The following MRPL21 variants were observed in gnomAD, a reference collection of about 807,000 sequenced individuals.
The protein encoded by MRPL21 is large ribosomal subunit protein bL21m.
Under a neutral mutation model 27.3 loss-of-function variants are expected in MRPL21, and 20 were observed. The observed-to-expected ratio is 0.73, with a 90% CI of 0.52 to 1.06. The LOEUF is 1.06. MRPL21 is among the 50% of genes least tolerant of loss of function. The pLI is 0.00. For synonymous variants in MRPL21, 98 were observed against 101.5 expected, an observed-to-expected ratio of 0.97 and a Z score of 0.21; for missense variants, 249 against 251.4, an observed-to-expected ratio of 0.99 and a Z score of 0.06.
chr11:68,903,770 G>C lies in MRPL21; in HGVS notation c.41C>G (p.Ala14Gly). 1 of 1,613,108 alleles carries C rather than the reference G, an allele frequency of 6.2e-7. No homozygotes were observed. Among genetic ancestry groups the C allele is most frequent in the Non-Finnish European group, 8.5e-7 (1 of 1,180,030 alleles). The stretch of plus-strand genomic sequence containing the variant: ...CAGGATGCTGTGGCTGCACGCGGAC[G>C]CCAGCCGCCCTAAGGTGACCGTCAG... ...SSLTVTLGRL[A>G]SACSHSILRP... The change falls in exon 1 of 7, where the codon GCG becomes GGG. Residue 14 changes from alanine to glycine, a missense_variant. Physicochemically the swap from Ala to Gly is moderately conservative, Grantham distance 60. Coordinates refer to ENST00000362034, the MANE Select transcript of MRPL21 (RefSeq NM_181514.2).
intron 1 of MRPL21, among the ~76,000 whole-genome samples, chr11:68,901,735 A>G (rs781499747): frequency 1.3e-5 from 2 of 152,078 alleles, no homozygotes; most frequent in African/African-American, 4.8e-5. Context: ...GTGACTCCCA[A>G]GTTTACACCT....
At position 68,892,988 on chromosome 11, in the gene MRPL21, T is replaced by A. The variant is rs773763327; in HGVS notation, c.455A>T (p.Asp152Val). The A allele has an allele frequency of 6.3e-6, 10 of 1,590,146 alleles. No individual in the cohort carries two copies. Among genetic ancestry groups the A allele is most frequent in the Non-Finnish European group, 8.6e-6 (10 of 1,169,028 alleles). ...TLLGKPLLGK[D>V]LVRVEATVIE... ...GACTGTGGCTTCTACTCGAACAAGA[T>A]CCTTTCTAGAAGGAAGAAAAATCAA... Residue 152 changes from aspartate (D) to valine (V), a missense_variant, in exon 6 of 7, where the codon GAT (aspartate) becomes GTT (valine). Asp to Val is a radical substitution (Grantham distance 152). Transcript: ENST00000362034.
chr11:68,891,375 C>G lies in MRPL21; in HGVS notation c.574G>C (p.Val192Leu). 2 of 1,614,068 alleles carry G rather than the reference C, an allele frequency of 1.2e-6. No individual in the cohort carries two copies. The highest frequency in any genetic ancestry group is 1.7e-6 in the Non-Finnish European group (2 of 1,180,024). ...ATCTCAATGCTGTTTATCCGGAGGA[C>G]AGTCTGCGGGGTCGTGACGACTGAA... ...KKRIVTTPQT[V>L]LRINSIEIAP... The change falls in exon 7 of 7, where the codon GTC becomes CTC. Residue 192 changes from valine (V) to leucine (L), a missense_variant. By Grantham distance (32) the Val-to-Leu change is conservative. Transcript: ENST00000362034.
At chr11:68,900,421 G>T in intron 2 of MRPL21, 127 bp downstream of exon 2, 1 of 934,598 alleles carries the variant, frequency 1.1e-6, no homozygotes, top group Non-Finnish European at 1.6e-6. Flanking sequence ...GTGAAACTCT[G>T]TCTCTTAAAA....
chr11:68,894,187 T>C (rs917140573), intron 4 of MRPL21, among the ~76,000 whole-genome samples: 1 of 152,180 alleles, frequency 6.6e-6, no homozygotes, highest in Non-Finnish European at 1.5e-5. Context: ...GACTGCAAAA[T>C]TCTCAAGAGC....
At position 68,893,408 on chromosome 11, in the gene MRPL21, G is replaced by A. The variant is rs748352523; in HGVS notation, c.444C>T (p.Leu148=). ...ADNFTLLGKP[L]LGKDLVRVEA... is the part of the protein sequence containing the mutation. Reference sequence around the variant, plus strand: ...CAGCACTTCACAGCCATTACCCGAGGAGTGGCTTGCCAAGCAGCGTGAAGT... The same window carrying A: ...CAGCACTTCACAGCCATTACCCGAGAAGTGGCTTGCCAAGCAGCGTGAAGT... Residue 148 remains leucine, a synonymous_variant, in exon 5 of 7, where the codon CTC becomes CTT. Coordinates refer to ENST00000362034, the MANE Select transcript of MRPL21 (RefSeq NM_181514.2). The A allele has an allele frequency of 3.3e-5, 54 of 1,614,076 alleles. No individual in the cohort carries two copies. The highest frequency in any genetic ancestry group is 4.2e-5 in the Non-Finnish European group (49 of 1,180,044).
intron 6 of MRPL21, chr11:68,891,948 T>C (rs946871701): frequency 2.3e-5 from 15 of 644,496 alleles, no homozygotes; most frequent in African/African-American, 2.2e-4. Flanking sequence ...GGGGATGTCC[T>C]CAGTGCAGAC....
chr11:68,902,427 T>G (rs894679096), intron 1 of MRPL21, among the ~76,000 whole-genome samples: 2 of 152,256 alleles, frequency 1.3e-5, no homozygotes, highest in Non-Finnish European at 2.9e-5. Context: ...TACCAACTCA[T>G]GGCCAATTTT....
intron 3 of MRPL21, chr11:68,897,498 T>C (rs1424885540): frequency 1.7e-5 from 3 of 178,270 alleles, no homozygotes; most frequent in African/African-American, 2.4e-5. Flanking sequence ...GCGAGGATCA[T>C]GGCAAGAGTG....
chr11:68,892,750 G>T, intron 6 of MRPL21, 140 bp downstream of exon 6: 3 of 1,539,114 alleles, frequency 1.9e-6, no homozygotes, highest in East Asian at 2.4e-5. Context: ...GGATGAGGGT[G>T]GCAAGTGGGC....
intron 2 of MRPL21, among the ~76,000 whole-genome samples, chr11:68,898,980 G>C (rs1047219678): frequency 6.6e-6 from 1 of 152,184 alleles, no homozygotes; most frequent in Non-Finnish European, 1.5e-5. Flanking sequence ...TAGAGATGGG[G>C]TTTCGCCACA....
At chr11:68,897,295 C>T (rs184762986) in intron 3 of MRPL21, among the ~76,000 whole-genome samples, 78 of 152,276 alleles carry the variant, frequency 5.1e-4, no homozygotes, top group African/African-American at 1.8e-3. Context: ...GCACCGACCC[C>T]CCGGCCTGAC....
chr11:68,901,640 C>T (rs1251654515), intron 1 of MRPL21, among the ~76,000 whole-genome samples: 1 of 152,200 alleles, frequency 6.6e-6, no homozygotes, highest in African/African-American at 2.4e-5. Flanking sequence ...GGGCTCAACC[C>T]TTGGCCTTGA....
intron 1 of MRPL21, 63 bp from the exon 2 acceptor site, chr11:68,900,668 T>A: frequency 3.7e-6 from 5 of 1,353,524 alleles, no homozygotes; most frequent in Non-Finnish European, 4.2e-6. Flanking sequence ...CTGCCCTTTA[T>A]GATGCTAAAT....
chr11:68,896,446 G>A, intron 4 of MRPL21, 69 bp downstream of exon 4: 2 of 1,569,122 alleles, frequency 1.3e-6, no homozygotes, highest in Non-Finnish European at 8.7e-7. Context: ...CTCCGTGTGA[G>A]CTGGGGCGTG....
At chr11:68,900,279 G>A (rs757080591) in intron 2 of MRPL21, among the ~76,000 whole-genome samples, 1 of 152,078 alleles carries the variant, frequency 6.6e-6, no homozygotes, top group African/African-American at 2.4e-5. Context: ...TTCTTTTAAG[G>A]GTCTCAGAAA....
chr11:68,891,331 T>C lies in MRPL21; in HGVS notation c.618A>G (p.Ter206TrpextTer4), dbSNP rs750406393. The change falls in exon 7 of 7, where the codon TGA (stop) becomes TGG (tryptophan). Residue 206 changes from the stop codon to tryptophan, a stop_lost. Transcript: ENST00000362034. ...CCTTTTGTAAGTATTAACTCGGTAA[T>C]CACAACAAACACGGAGCAATCTCAA... ...NSIEIAPCLL[*>W] The C allele has an allele frequency of 6.2e-7, 1 of 1,613,788 alleles. No homozygotes were observed. The highest frequency in any genetic ancestry group is 1.3e-5 in the African/African-American group (1 of 74,906).
rs12790988 is a variant in MRPL21 at position 68,892,563 on chromosome 11, T to C, written c.553+327A>G. 3.0e-3 allele frequency: 872 copies of C among 286,450 alleles called. 228 individuals carry two copies. The highest frequency in any genetic ancestry group is 0.019 in the Middle Eastern group (12 of 632). 17.7% of individuals were successfully genotyped at this position (286,450 alleles called of 1,614,324 possible). On this transcript the variant is annotated intron_variant, in intron 6 of 6. Coordinates refer to ENST00000362034, the MANE Select transcript of MRPL21 (RefSeq NM_181514.2). ...GGAGAAGGGGAGCGAGGTGGGGTCA[T>C]GCGCGGAGGGTGGAGGAGAAGGGGA...
intron 1 of MRPL21, among the ~76,000 whole-genome samples, chr11:68,902,274 A>T (rs2154006176): frequency 1.3e-5 from 2 of 152,364 alleles, no homozygotes; most frequent in South Asian, 4.1e-4. Flanking sequence ...GTAGGTAGGT[A>T]GAATGGAGTA....
Sources: gnomAD v4.1 joint callset for allele counts (sites outside exome capture counted in the v4.1 genomes callset) on GRCh38, gnomAD v4.1.1 for gene constraint, MANE v1.5 for transcripts, NCBI Gene and HGNC (gene_info 2026-07-23, HGNC 2026-07-21) for gene names.